CYFIP1: variants seen among roughly 807,000 people sequenced by gnomAD.
The protein encoded by CYFIP1 is cytoplasmic FMR1 interacting protein 1.
CYFIP1 carries 58 observed loss-of-function variants against 163.5 expected under a neutral mutation model. The ratio of observed to expected loss-of-function variants is 0.35; its 90% confidence interval spans 0.29 to 0.44. CYFIP1 has a LOEUF of 0.44. Ranked by LOEUF, CYFIP1 falls within the 20% of genes least tolerant of loss-of-function variation. The pLI is 1.00. For missense variants in CYFIP1, 1,338 were observed against 1,653.8 expected (o/e 0.81, Z 3.31); for synonymous variants, 663 against 660.7 (o/e 1.00, Z -0.05).
intron 23 of CYFIP1, among the ~76,000 whole-genome samples, chr15:22,886,066 G>C (rs1407009831): frequency 4.6e-5 from 7 of 152,112 alleles, no homozygotes; most frequent in African/African-American, 1.7e-4. Flanking sequence ...AGGGGGAGCA[G>C]GCACCTTCTT....
chr15:22,920,014 C>G (rs1254010946), intron 13 of CYFIP1, among the ~76,000 whole-genome samples: 2 of 151,526 alleles, frequency 1.3e-5, no homozygotes, highest in Admixed American at 1.3e-4. Flanking sequence ...AGAGCGAGAC[C>G]CTGTCTCAAA....
In CYFIP1 at chr15:22,964,349, TCACTCACACACACACA is replaced by T. The variant is rs1394182683; in HGVS notation, c.-7+15922_-7+15937del. Among the ~76,000 whole-genome samples the T allele has an allele frequency of 2.4e-3, 96 of 39,584 alleles. 2 individuals are homozygous for T. Among genetic ancestry groups the T allele is most frequent in the African/African-American group, 7.2e-3 (78 of 10,888 alleles). 26.0% of individuals were successfully genotyped at this position (39,584 alleles called of 152,430 possible). ...CCCACCAGCAGACTCCGCAACCTCA[TCACTCACACACACACA>T]CACACACACACACACACACACACAC... On this transcript the variant is annotated intron_variant, in intron 1 of 30. Transcript: ENST00000617928.
At chr15:22,876,763 A>G (rs778321181) in intron 26 of CYFIP1, among the ~76,000 whole-genome samples, 1 of 152,032 alleles carries the variant, frequency 6.6e-6, no homozygotes, top group Non-Finnish European at 1.5e-5. Context: ...CCCAGGAGGT[A>G]GAAGTTGTGG....
At chr15:22,905,439 T>C (rs2060537543) in intron 21 of CYFIP1, 1 of 151,998 alleles carries the variant, frequency 6.6e-6, no homozygotes, top group Admixed American at 6.6e-5. Context: ...TCCTCTCAAA[T>C]CCTTTTTCTG....
chr15:22,871,121 A>G (rs1252433604), intron 30 of CYFIP1, among the ~76,000 whole-genome samples: 1 of 152,110 alleles, frequency 6.6e-6, no homozygotes, highest in African/African-American at 2.4e-5. Context: ...AGTTGGTAGC[A>G]CCCCATAGAG....
Position 22,948,070 on chromosome 15 carries a change from G to A in CYFIP1, c.-6-779C>T, listed in dbSNP as rs1428376909. The A allele has an allele frequency of 1.4e-5, 12 of 846,274 alleles. No individual in the cohort carries two copies. In the African/African-American group the frequency reaches 2.2e-4, roughly 16 times the overall value. The allele number at this position is 846,274 out of a possible 1,614,324, so 52.4% of individuals were successfully genotyped here. A position where few individuals can be genotyped will look rare whatever the true frequency, so the allele number is the denominator to read the frequency against. On this transcript the variant is annotated intron_variant, in intron 1 of 30. Transcript: ENST00000617928. ...CAGCAGGTGGCCTGGAGGAGACACT[G>A]AACAGAAGGAGCCCCAAATCCCTCC...
At chr15:22,949,492 C>G (rs1379024099) in intron 1 of CYFIP1, among the ~76,000 whole-genome samples, 2 of 152,150 alleles carry the variant, frequency 1.3e-5, no homozygotes, top group African/African-American at 4.8e-5. Context: ...AACCACAAAG[C>G]AGAGGCAGTA....
At chr15:22,944,318 C>G (rs1214557143) in intron 5 of CYFIP1, among the ~76,000 whole-genome samples, 1 of 151,612 alleles carries the variant, frequency 6.6e-6, no homozygotes, top group Non-Finnish European at 1.5e-5. Flanking sequence ...AAGCAGGCTC[C>G]ATGAAGGAAA....
chr15:22,901,964 T>C (rs2060406918), intron 22 of CYFIP1, among the ~76,000 whole-genome samples: 1 of 152,106 alleles, frequency 6.6e-6, no homozygotes. Context: ...CTGCAGAAAA[T>C]GCCCCTGTGA....
intron 1 of CYFIP1, chr15:22,947,992 C>T (rs2062117318): frequency 2.0e-6 from 2 of 985,382 alleles, no homozygotes; most frequent in African/African-American, 3.5e-5. Flanking sequence ...AGGAGGAGCT[C>T]TGCCCTGGGA....
intron 23 of CYFIP1, among the ~76,000 whole-genome samples, chr15:22,890,426 G>A (rs986016893): frequency 6.6e-6 from 1 of 152,154 alleles, no homozygotes. Flanking sequence ...CGGGAAGTGA[G>A]GGGGAGCCCC....
chr15:22,879,394 G>A (rs1054133024), intron 26 of CYFIP1, among the ~76,000 whole-genome samples: 2 of 152,114 alleles, frequency 1.3e-5, no homozygotes, highest in African/African-American at 2.4e-5. Flanking sequence ...AACACGAGGC[G>A]TCCACTGTGC....
At chr15:22,956,694 C>T (rs2062468283) in intron 1 of CYFIP1, among the ~76,000 whole-genome samples, 1 of 152,162 alleles carries the variant, frequency 6.6e-6, no homozygotes, top group Non-Finnish European at 1.5e-5. Context: ...CGGGTGGCCA[C>T]ACCATCCAGA....
intron 23 of CYFIP1, among the ~76,000 whole-genome samples, chr15:22,892,447 T>TC (rs2060108967): frequency 6.6e-6 from 1 of 152,098 alleles, no homozygotes; most frequent in Admixed American, 6.5e-5. Flanking sequence ...TGTCAGACCT[T>TC]CCCTGGGCTC....
chr15:22,875,217 G>A lies in CYFIP1; in HGVS notation c.3097C>T (p.Pro1033Ser), dbSNP rs1225095156. 4 of 1,613,900 alleles carry A rather than the reference G, an allele frequency of 2.5e-6. No homozygotes were observed. The highest frequency in any genetic ancestry group is 1.7e-6 in the Non-Finnish European group (2 of 1,179,974). The change falls in exon 27 of 31, where the codon CCG becomes TCG. Residue 1033 changes from proline to serine, a missense_variant. By Grantham distance (74) the Pro-to-Ser change is moderately conservative (BLOSUM62 -1). This residue lies in a region of CYFIP1 where 306 missense variants were observed against 322.1 expected (regional missense o/e 0.95). Transcript: ENST00000617928. ...GGCTCACCTTTCACATGGACTCGCG[G>A]CAAGATGTTCTGGAAAGGAGCCGCG... is the stretch of plus-strand genomic sequence containing the variant. Reference protein sequence around the residue: ...LHAAPFQNILPRVHVKEGERL... With the variant: ...LHAAPFQNILSRVHVKEGERL...
At chr15:22,904,059 T>A in intron 21 of CYFIP1, 154 bp from the exon 22 acceptor site, 1 of 689,216 alleles carries the variant, frequency 1.5e-6, no homozygotes, top group East Asian at 2.7e-5. Context: ...TGACATGAGC[T>A]TGCTTCTTGG....
In CYFIP1 at chr15:22,883,101, G is replaced by A. The variant is rs375634750; in HGVS notation, c.2677-90C>T. 80 of 1,465,686 alleles carry A rather than the reference G, an allele frequency of 5.5e-5. No individual in the cohort carries two copies. The East Asian group carries it at 6.6e-4, about 12-fold the overall frequency. 90.8% of individuals were successfully genotyped at this position (1,465,686 alleles called of 1,614,324 possible). A position where few individuals can be genotyped will look rare whatever the true frequency, so the allele number is the denominator to read the frequency against. ...TGAGAAGATCACTCAACACACACAG[G>A]CTCAGGTGAGCGGGTCTGAGTCTAC... On this transcript the variant is annotated intron_variant, in intron 23 of 30. Transcript: ENST00000617928.
intron 1 of CYFIP1, among the ~76,000 whole-genome samples, chr15:22,971,200 T>C (rs1477629723): frequency 6.6e-6 from 1 of 152,192 alleles, no homozygotes; most frequent in Non-Finnish European, 1.5e-5. Context: ...TGACATCAGA[T>C]TTGGCAATGA....
Position 22,868,805 on chromosome 15 carries a change from T to C in CYFIP1, c.*1223A>G, listed in dbSNP as rs571914848. On this transcript the variant is annotated 3_prime_UTR_variant, in exon 31 of 31. Transcript: ENST00000617928. ...TAGAAAATTTTAAAATTGGTGAAGG[T>C]TGCAATACTCCAAATAATGTAAAAT... 2 of 152,274 alleles carry C rather than the reference T, an allele frequency of 1.3e-5. No homozygotes were observed. Among genetic ancestry groups the C allele is most frequent in the Non-Finnish European group, 2.9e-5 (2 of 68,008 alleles). The allele number at this position is 152,274 out of a possible 1,614,324, so 9.4% of individuals were successfully genotyped here. A position where few individuals can be genotyped will look rare whatever the true frequency, so the allele number is the denominator to read the frequency against.
Sources: gnomAD v4.1 joint callset for allele counts (sites outside exome capture counted in the v4.1 genomes callset) on GRCh38, gnomAD v4.1.1 for gene constraint, gnomAD v4.1.1 regional missense constraint, MANE v1.5 for transcripts, NCBI Gene and HGNC (gene_info 2026-07-23, HGNC 2026-07-21) for gene names.